FBXO27: variants seen among roughly 807,000 people sequenced by gnomAD.
FBXO27 encodes F-box only protein 27.
A neutral mutation model predicts 28.3 loss-of-function variants in FBXO27; 28 were observed. The ratio of observed to expected loss-of-function variants is 0.99; its 90% CI spans 0.73 to 1.36. The LOEUF (loss-of-function observed/expected upper bound fraction) is 1.36. Ranked by LOEUF, FBXO27 falls within the 40% of genes most tolerant of loss-of-function variation. FBXO27 has a pLI of 0.00. For synonymous variants in FBXO27, 175 were observed against 167.3 expected (o/e 1.05, Z -0.36); for missense variants, 388 against 394.1 (o/e 0.98, Z 0.13).
At chr19:39,026,535 C>T (rs961867276) in intron 5 of FBXO27, among the ~76,000 whole-genome samples, 11 of 151,998 alleles carry the variant, frequency 7.2e-5, no homozygotes, top group South Asian at 2.1e-4. Context: ...AGTGCAATGG[C>T]GCAATCTTGG....
At chr19:39,018,437 G>A (rs552064173) in intron 1 of FBXO27, among the ~76,000 whole-genome samples, 9 of 152,044 alleles carry the variant, frequency 5.9e-5, no homozygotes, top group East Asian at 3.9e-4. Flanking sequence ...ATTGCATAGC[G>A]CAGTAAACAG....
chr19:39,021,820 G>A (rs572023650), downstream of FBXO27, among the ~76,000 whole-genome samples: 5 of 151,856 alleles, frequency 3.3e-5, no homozygotes, highest in Admixed American at 2.0e-4. Context: ...CTGCCACCAC[G>A]CCCAGCTAAT....
intron 2 of FBXO27, among the ~76,000 whole-genome samples, chr19:39,006,003 A>G (rs970926364): frequency 6.6e-6 from 1 of 152,234 alleles, no homozygotes; most frequent in Non-Finnish European, 1.5e-5. Context: ...TGTGCAGCAC[A>G]TGAAAAATGC....
chr19:39,031,184 A>C lies in FBXO27; in HGVS notation c.476+25T>G, dbSNP rs138040380. 2,445 of 1,613,398 alleles carry C rather than the reference A, an allele frequency of 1.5e-3. 23 individuals are homozygous for C. The African/African-American group carries it at 0.023, about 15-fold the overall frequency. On this transcript the variant is annotated intron_variant, in intron 3 of 5. Transcript: ENST00000292853. ...CAGGCCTTTCTCAACAAGGGGCCGG[A>C]CCTTTGGATAGCAGGGGCATTCACC...
intron 5 of FBXO27, 70 bp from the exon 6 acceptor site, chr19:39,025,624 C>G: frequency 6.6e-7 from 1 of 1,515,832 alleles, no homozygotes; most frequent in Non-Finnish European, 8.9e-7. Context: ...TTAGGGCCTT[C>G]TGGAAGATGG....
chr19:39,016,655 C>T (rs902143390), intron 1 of FBXO27, among the ~76,000 whole-genome samples: 13 of 147,084 alleles, frequency 8.8e-5, no homozygotes, highest in South Asian at 4.4e-4. Context: ...TGGTGGCACA[C>T]GCACCTGTAA....
rs758046659 is a variant in FBXO27 at position 39,027,003 on chromosome 19, C to T, written c.575G>A (p.Trp192Ter). 24 of 1,613,982 alleles carry T rather than the reference C, an allele frequency of 1.5e-5. 1 individual carries two copies. Among genetic ancestry groups the T allele is most frequent in the Non-Finnish European group, 1.9e-5 (22 of 1,180,000 alleles). ...GRIEICVSDW[W>*]GARHDSGCMY... ...ACAGCCGCTGTCGTGTCGGGCTCCCCACCTGTGGGAGGAAGGAGCCATGAA... is the reference window on the plus strand; with the variant it reads ...ACAGCCGCTGTCGTGTCGGGCTCCCTACCTGTGGGAGGAAGGAGCCATGAA... The change falls in exon 5 of 6, where the codon TGG becomes TAG. Residue 192 changes from tryptophan to a stop codon, truncating the protein, a stop_gained and splice_region_variant. Coordinates refer to ENST00000292853, the MANE Select transcript of FBXO27 (RefSeq NM_178820.5). LOFTEE classifies it high-confidence loss of function.
At chr19:39,025,865 A>C (rs931845691) in intron 5 of FBXO27, among the ~76,000 whole-genome samples, 15 of 152,036 alleles carry the variant, frequency 9.9e-5, no homozygotes, top group Non-Finnish European at 1.3e-4. Flanking sequence ...AAATACAAAA[A>C]ATATTAGCTG....
rs114805001 is a variant in FBXO27, at chr19:39,029,607, C to T, written c.572+1422G>A. ...GGGGAACGAGAATCATATGATACTT[C>T]CCACACAGATGTAACCTATAGCAGA... On this transcript the variant is annotated intron_variant, in intron 4 of 5. Coordinates refer to ENST00000292853, the MANE Select transcript of FBXO27 (RefSeq NM_178820.5). Among the ~76,000 whole-genome samples the T allele has an allele frequency of 7.1e-3, 1,075 of 152,016 alleles. 10 individuals are homozygous for T. Among genetic ancestry groups the T allele is most frequent in the African/African-American group, 0.023 (952 of 41,490 alleles).
At chr19:39,031,780 G>T in intron 2 of FBXO27, 84 bp downstream of exon 2, 1 of 1,374,622 alleles carries the variant, frequency 7.3e-7, no homozygotes, top group Non-Finnish European at 9.3e-7. Context: ...CCTAGTACCG[G>T]TCCCAGTGCG....
chr19:39,025,210 A>T lies in FBXO27; in HGVS notation c.*201T>A. 1 of 623,698 alleles carries T rather than the reference A, an allele frequency of 1.6e-6. No individual in the cohort carries two copies. The highest frequency in any genetic ancestry group is 2.6e-6 in the Non-Finnish European group (1 of 380,352). The allele number at this position is 623,698 out of a possible 1,614,324, so 38.6% of individuals were successfully genotyped here. A position where few individuals can be genotyped will look rare whatever the true frequency, so the allele number is the denominator to read the frequency against. The stretch of plus-strand genomic sequence containing the variant: ...CCCCCCGCAAAGCAGCAGCTGCAGT[A>T]GGTAGATAAGATGGAAGAAGCTTCT... On this transcript the variant is annotated 3_prime_UTR_variant, in exon 6 of 6. Transcript: ENST00000292853.
At chr19:39,011,724 G>C (rs370115012) in intron 2 of FBXO27, among the ~76,000 whole-genome samples, 2 of 151,412 alleles carry the variant, frequency 1.3e-5, no homozygotes, top group African/African-American at 2.4e-5. Context: ...TTGTTGCCCC[G>C]GCTGGTCTTG....
intron 1 of FBXO27, among the ~76,000 whole-genome samples, chr19:39,015,958 G>C (rs917434848): frequency 6.6e-6 from 1 of 152,122 alleles, no homozygotes; most frequent in African/African-American, 2.4e-5. Context: ...TGTAATCCCA[G>C]CTACTCGGGA....
intron 4 of FBXO27, among the ~76,000 whole-genome samples, chr19:39,028,039 G>A (rs71356831): frequency 1.3e-5 from 2 of 151,200 alleles, no homozygotes; most frequent in South Asian, 2.1e-4. Flanking sequence ...TTAGGAGTTC[G>A]AGACCAGCCT....
intron 2 of FBXO27, among the ~76,000 whole-genome samples, chr19:39,011,416 A>G (rs2072793317): frequency 6.6e-6 from 1 of 152,184 alleles, no homozygotes; most frequent in South Asian, 2.1e-4. Context: ...TGGGCAACAG[A>G]GCGAAACTCT....
chr19:39,019,068 C>CA (rs71167615), downstream of FBXO27, among the ~76,000 whole-genome samples: 18 of 124,446 alleles, frequency 1.4e-4, no homozygotes, highest in African/African-American at 5.0e-4. Flanking sequence ...GACTCTATCA[C>CA]AAAAAAAAAA....
At chr19:39,022,334 T>G (rs1306843478), downstream of FBXO27, among the ~76,000 whole-genome samples, 25 of 151,782 alleles carry the variant, frequency 1.6e-4, no homozygotes, top group Admixed American at 1.6e-3. Flanking sequence ...TAGAGATGGG[T>G]CTCACTATGT....
intron 2 of FBXO27, among the ~76,000 whole-genome samples, 167 bp downstream of exon 2, chr19:39,031,697 A>C (rs12609401): frequency 0.21 from 29,077 of 139,668 alleles, 3,575 homozygotes; most frequent in South Asian, 0.42. Context: ...CCGGCACCTC[A>C]CACCGGCTCC....
chr19:39,025,339 A>AG lies in FBXO27; in HGVS notation c.*71dup, dbSNP rs2144897294. ...GGTACAAGTGCTTGGTTGGTTAATG[A>AG]GGGGTCCCAGCCAATGGTCCCAGGC... is the stretch of plus-strand genomic sequence containing the variant. On this transcript the variant is annotated 3_prime_UTR_variant, in exon 6 of 6. Coordinates refer to ENST00000292853, the MANE Select transcript of FBXO27 (RefSeq NM_178820.5). 1 of 1,536,282 alleles carries AG rather than the reference A, an allele frequency of 6.5e-7. No homozygotes were observed. The highest frequency in any genetic ancestry group is 2.3e-5 in the East Asian group (1 of 43,412).
Sources: gnomAD v4.1 joint callset for allele counts (sites outside exome capture counted in the v4.1 genomes callset) on GRCh38, gnomAD v4.1.1 for gene constraint, MANE v1.5 for transcripts, NCBI Gene and HGNC (gene_info 2026-07-23, HGNC 2026-07-21) for gene names.